SUGCT: variants seen among roughly 807,000 people sequenced by gnomAD.
SUGCT encodes the protein succinyl-CoA:glutarate-CoA transferase.
SUGCT carries 41 observed loss-of-function variants against 55.0 expected under a neutral mutation model. That is an observed-to-expected ratio of 0.74 (90% CI 0.58 to 0.97). The LOEUF (loss-of-function observed/expected upper bound fraction) is 0.97, where lower values mean the gene tolerates loss of function less well. Ranked by LOEUF, SUGCT falls within the 50% of genes least tolerant of loss-of-function variation. The pLI, the probability that SUGCT is intolerant of heterozygous loss-of-function variation, is 0.00. For missense variants in SUGCT, 568 were observed against 547.8 expected, an observed-to-expected ratio of 1.04 and a Z score of -0.37; for synonymous variants, 187 against 200.4, an observed-to-expected ratio of 0.93 and a Z score of 0.56.
intron 12 of SUGCT, among the ~76,000 whole-genome samples, chr7:40,510,139 C>T (rs2151549455): frequency 6.6e-6 from 1 of 151,856 alleles, no homozygotes; most frequent in Admixed American, 6.6e-5. Context: ...AATTATAAAA[C>T]ATTATTTATT....
At chr7:41,033,286 C>G in the SUGCT span, among the ~76,000 whole-genome samples, 13 of 152,338 alleles carry the variant, frequency 8.5e-5, no homozygotes, top group Admixed American at 8.5e-4. Context: ...TTCTGTCTTG[C>G]TTTCCTTTCT....
the SUGCT span, among the ~76,000 whole-genome samples, chr7:40,937,404 C>T: frequency 1.3e-5 from 2 of 152,202 alleles, no homozygotes; most frequent in African/African-American, 2.4e-5. Flanking sequence ...CTCCTGACCT[C>T]AGGTGATCCA....
the SUGCT span, among the ~76,000 whole-genome samples, chr7:40,893,036 T>C: frequency 1.1e-4 from 16 of 152,256 alleles, no homozygotes; most frequent in African/African-American, 3.6e-4. Context: ...TATATATTTA[T>C]ATCTGACAAA....
At chr7:40,154,021 T>C (rs780575508) in intron 1 of SUGCT, 17 of 266,854 alleles carry the variant, frequency 6.4e-5, no homozygotes, top group Admixed American at 1.5e-4. Flanking sequence ...TTATCTGGCA[T>C]GTGATGTGTA....
At chr7:40,317,626 A>G (rs1795510658) in intron 9 of SUGCT, among the ~76,000 whole-genome samples, 1 of 152,208 alleles carries the variant, frequency 6.6e-6, no homozygotes, top group African/African-American at 2.4e-5. Context: ...TGTGGAATGA[A>G]TGAGTGAATT....
At chr7:40,916,772 A>T in the SUGCT span, among the ~76,000 whole-genome samples, 3 of 152,220 alleles carry the variant, frequency 2.0e-5, no homozygotes, top group African/African-American at 4.8e-5. Flanking sequence ...CAGACTGTGT[A>T]GGCTTTAACA....
In SUGCT at chr7:40,145,509, C is replaced by CT. The variant is rs35917913; in HGVS notation, c.100+10403dup. On this transcript the variant is annotated intron_variant, in intron 1 of 13. Coordinates refer to ENST00000335693, the MANE Select transcript of SUGCT (RefSeq NM_001193313.2). The stretch of plus-strand genomic sequence containing the variant: ...GTTTTTACATAAATTCTCCTCCCCA[C>CT]TTTTTTTTTTTTTTCTCAAAGATAA... Among the ~76,000 whole-genome samples, 1,059 of 144,756 alleles carry CT rather than the reference C, an allele frequency of 7.3e-3. 4 individuals carry two copies. The highest frequency in any genetic ancestry group is 0.01 in the Non-Finnish European group (671 of 65,648). The allele number at this position is 144,756 out of a possible 152,430, so 95.0% of individuals were successfully genotyped here.
intron 1 of SUGCT, among the ~76,000 whole-genome samples, chr7:40,143,889 A>C (rs376172007): frequency 6.6e-6 from 1 of 152,170 alleles, no homozygotes; most frequent in African/African-American, 2.4e-5. Flanking sequence ...AAAGGGGAAG[A>C]AGTTTGAGGG....
At chr7:40,406,511 C>T (rs574986754) in intron 9 of SUGCT, among the ~76,000 whole-genome samples, 2 of 152,210 alleles carry the variant, frequency 1.3e-5, no homozygotes, top group Admixed American at 6.5e-5. Context: ...GAGGAATGAA[C>T]GAGGGCAACT....
chr7:41,010,530 G>T, the SUGCT span, among the ~76,000 whole-genome samples: 4 of 152,190 alleles, frequency 2.6e-5, no homozygotes, highest in Non-Finnish European at 5.9e-5. Context: ...TGAGAAACTG[G>T]TTCTGAAAAA....
rs1403796332 is a variant in SUGCT, at chr7:40,670,155, A to G, written c.1090-79279A>G. On this transcript the variant is annotated intron_variant, in intron 12 of 13. Transcript: ENST00000335693. ...AACTGCACTCCAGCCTGGGTGACAC[A>G]GGAGACTCCATCTCAAAAAAAAAAA... 2.9e-5 allele frequency among the ~76,000 whole-genome samples: 4 copies of G among 139,750 alleles called. No homozygotes were observed. The East Asian group carries it at 6.3e-4, about 22-fold the overall frequency. The allele number at this position is 139,750 out of a possible 152,430, so 91.7% of individuals were successfully genotyped here. A position where few individuals can be genotyped will look rare whatever the true frequency, so the allele number is the denominator to read the frequency against.
chr7:40,448,236 C>CCCTCCCTG (rs1788961075), intron 9 of SUGCT, among the ~76,000 whole-genome samples: 1 of 141,204 alleles, frequency 7.1e-6, no homozygotes, highest in Non-Finnish European at 1.5e-5. Flanking sequence ...CTCCCTCCCT[C>CCCTCCCTG]CCTCCCTCCC....
At chr7:40,720,307 A>G (rs1174281945) in intron 12 of SUGCT, among the ~76,000 whole-genome samples, 1 of 152,226 alleles carries the variant, frequency 6.6e-6, no homozygotes, top group Non-Finnish European at 1.5e-5. Flanking sequence ...ACAAGGGGAC[A>G]TGGAGGGGTT....
the SUGCT span, among the ~76,000 whole-genome samples, chr7:40,877,482 G>A: frequency 6.6e-6 from 1 of 152,216 alleles, no homozygotes; most frequent in Admixed American, 6.5e-5. Context: ...TGAGTGGGGA[G>A]TATGTGTGTG....
intron 12 of SUGCT, among the ~76,000 whole-genome samples, chr7:40,516,565 A>G (rs1337875234): frequency 6.6e-6 from 1 of 152,064 alleles, no homozygotes; most frequent in Non-Finnish European, 1.5e-5. Flanking sequence ...GCACGTGAGT[A>G]ACCAGTTGGC....
At chr7:40,744,850 AC>A (rs774479381) in intron 12 of SUGCT, among the ~76,000 whole-genome samples, 51 of 152,302 alleles carry the variant, frequency 3.3e-4, no homozygotes, top group Non-Finnish European at 6.5e-4. Context: ...AACCTCCCTG[AC>A]CTAAGTCATA....
intron 13 of SUGCT, among the ~76,000 whole-genome samples, chr7:40,819,229 T>A (rs1277115515): frequency 6.6e-6 from 1 of 152,170 alleles, no homozygotes; most frequent in East Asian, 1.9e-4. Context: ...TATGTGCATG[T>A]GTCTTTATAG....
intron 9 of SUGCT, among the ~76,000 whole-genome samples, chr7:40,378,372 T>G (rs1474944338): frequency 6.6e-6 from 1 of 152,222 alleles, no homozygotes; most frequent in Middle Eastern, 3.2e-3. Context: ...AGTTACTGAT[T>G]CTTCTGCCAC....
At chr7:40,483,699 A>C (rs1791181937) in intron 11 of SUGCT, among the ~76,000 whole-genome samples, 1 of 31,784 alleles carries the variant, frequency 3.1e-5, no homozygotes, top group South Asian at 7.8e-4. Flanking sequence ...GTTTCACTGA[A>C]AAAAAAAAAA....
Sources: gnomAD v4.1 joint callset for allele counts (sites outside exome capture counted in the v4.1 genomes callset) on GRCh38, gnomAD v4.1.1 for gene constraint, MANE v1.5 for transcripts, NCBI Gene and HGNC (gene_info 2026-07-23, HGNC 2026-07-21) for gene names.